Variants in SUSD1 observed in about 807,000 individuals in gnomAD.
SUSD1 encodes the protein sushi domain containing 1, also known as sushi domain-containing protein 1.
A neutral mutation model predicts 86.9 loss-of-function variants in SUSD1; 65 were observed. That is an observed-to-expected ratio of 0.75 (90% CI 0.61 to 0.92). SUSD1 has a LOEUF of 0.92. SUSD1 is among the 40% of genes least tolerant of loss of function. SUSD1 has a pLI of 0.00. For missense variants in SUSD1, 850 were observed against 929.7 expected (o/e 0.91, Z 1.11); for synonymous variants, 346 against 350.0 (o/e 0.99, Z 0.13).
intron 5 of SUSD1, among the ~76,000 whole-genome samples, chr9:112,131,957 G>T (rs1289267942): frequency 3.3e-5 from 5 of 152,116 alleles, no homozygotes; most frequent in Non-Finnish European, 7.4e-5. Flanking sequence ...GTGTTGTGCT[G>T]GTTTCAAGGG....
intron 1 of SUSD1, chr9:112,173,562 G>C (rs1834136674): frequency 5.7e-6 from 2 of 353,588 alleles, no homozygotes; most frequent in African/African-American, 4.2e-5. Context: ...TCCTTCGGGA[G>C]TCTGAGCTGG....
chr9:112,065,613 G>A (rs1192983382), intron 12 of SUSD1, among the ~76,000 whole-genome samples: 1 of 152,242 alleles, frequency 6.6e-6, no homozygotes, highest in Non-Finnish European at 1.5e-5. Context: ...AATTACTGCA[G>A]AGTTAGAGGT....
intron 12 of SUSD1, among the ~76,000 whole-genome samples, chr9:112,065,929 G>T (rs953394477): frequency 6.6e-6 from 1 of 152,218 alleles, no homozygotes. Context: ...GATATCACTT[G>T]AGCTACTAGT....
intron 10 of SUSD1, among the ~76,000 whole-genome samples, chr9:112,095,005 G>A (rs1361290804): frequency 6.6e-6 from 1 of 152,160 alleles, no homozygotes; most frequent in Non-Finnish European, 1.5e-5. Context: ...TATTAAACAA[G>A]GTCCAGGGAG....
intron 8 of SUSD1, among the ~76,000 whole-genome samples, chr9:112,106,215 C>T (rs1486585927): frequency 9.2e-5 from 14 of 152,084 alleles, no homozygotes; most frequent in Non-Finnish European, 1.8e-4. Flanking sequence ...TCAGGTGATC[C>T]GCCCACCTAA....
intron 5 of SUSD1, among the ~76,000 whole-genome samples, chr9:112,134,019 A>G (rs529872225): frequency 6.6e-6 from 1 of 152,342 alleles, no homozygotes; most frequent in East Asian, 1.9e-4. Flanking sequence ...ATGAGATTCC[A>G]TCTCACACCA....
chr9:112,049,321 A>T (rs1828089797), intron 15 of SUSD1, among the ~76,000 whole-genome samples: 1 of 152,210 alleles, frequency 6.6e-6, no homozygotes, highest in Non-Finnish European at 1.5e-5. Flanking sequence ...ATATCAAATG[A>T]CCTTGCTTTG....
Position 112,072,140 on chromosome 9 carries a change from C to CTTT in SUSD1, c.1753+6395_1753+6397dup. 7.0e-3 allele frequency among the ~76,000 whole-genome samples: 854 copies of CTTT among 121,140 alleles called. 1 individual carries two copies. Among genetic ancestry groups the CTTT allele is most frequent in the Non-Finnish European group, 9.1e-3 (556 of 60,846 alleles). The allele number at this position is 121,140 out of a possible 152,430, so 79.5% of individuals were successfully genotyped here. On this transcript the variant is annotated intron_variant, in intron 12 of 16. Transcript: ENST00000374270. Reference sequence around the variant, plus strand: ...TATTCTTTTTTATTTCTTTCTTTCTCTTTTTTTTTTTTTTTTGTTTTTTTT... The same window carrying CTTT: ...TATTCTTTTTTATTTCTTTCTTTCTCTTTTTTTTTTTTTTTTTTTGTTTTTTTT...
chr9:112,098,496 T>C lies in SUSD1; in HGVS notation c.1448A>G (p.Gln483Arg). 1.9e-6 allele frequency: 3 copies of C among 1,614,180 alleles called. No individual in the cohort carries two copies. The highest frequency in any genetic ancestry group is 2.5e-6 in the Non-Finnish European group (3 of 1,179,994). Residue 483 changes from glutamine (Q) to arginine (R), a missense_variant, in exon 10 of 17, where the codon CAA (glutamine) becomes CGA (arginine). Physicochemically the swap from Gln to Arg is conservative, Grantham distance 43. Transcript: ENST00000374270. ...LLRSPKRHSV[Q>R]ITIATPPAVK... ...TGCTGGGGGAGTTGCTATTGTTATTTGCACTGAGTGCCGCTTAGGAGATCT... is the reference window on the plus strand; with the variant it reads ...TGCTGGGGGAGTTGCTATTGTTATTCGCACTGAGTGCCGCTTAGGAGATCT...
intron 5 of SUSD1, among the ~76,000 whole-genome samples, chr9:112,132,359 C>T (rs1412028677): frequency 1.3e-5 from 2 of 152,064 alleles, no homozygotes; most frequent in East Asian, 3.8e-4. Context: ...ATATTGACCC[C>T]AAAATAAAAT....
chr9:112,112,837 C>G lies in SUSD1; in HGVS notation c.918G>C (p.Leu306=), dbSNP rs138471089. 5 of 1,612,010 alleles carry G rather than the reference C, an allele frequency of 3.1e-6. No individual in the cohort carries two copies. Among genetic ancestry groups the G allele is most frequent in the Non-Finnish European group, 4.2e-6 (5 of 1,178,142 alleles). ...EILTKINDVS[L]FNDTCVRWQI... ...GCCATCTCACACAGGTATCATTAAA[C>G]AGTGATACATCATTAATCTTTGTCA... The change falls in exon 7 of 17, where the codon CTG becomes CTC. Residue 306 remains leucine (L), a synonymous_variant. Transcript: ENST00000374270.
chr9:112,144,949 G>A (rs1046376638), intron 3 of SUSD1, among the ~76,000 whole-genome samples: 13 of 152,110 alleles, frequency 8.5e-5, no homozygotes, highest in Admixed American at 3.9e-4. Context: ...AAAACTTTAA[G>A]AATTCCATCA....
intron 13 of SUSD1, among the ~76,000 whole-genome samples, chr9:112,062,043 A>T (rs1290867204): frequency 1.3e-5 from 2 of 152,208 alleles, no homozygotes; most frequent in African/African-American, 4.8e-5. Context: ...CCTCCAACTG[A>T]GGTAAATTAA....
At chr9:112,114,481 T>TCAAAAA (rs555057894) in intron 6 of SUSD1, among the ~76,000 whole-genome samples, 4 of 152,210 alleles carry the variant, frequency 2.6e-5, no homozygotes, top group East Asian at 1.9e-4. Flanking sequence ...AGACTCCATC[T>TCAAAAA]CAAAAACAAA....
chr9:112,046,350 T>C (rs748776948), intron 15 of SUSD1, among the ~76,000 whole-genome samples: 1 of 152,206 alleles, frequency 6.6e-6, no homozygotes, highest in African/African-American at 2.4e-5. Flanking sequence ...CTGAATCACT[T>C]GTAGAATATT....
intron 10 of SUSD1, among the ~76,000 whole-genome samples, chr9:112,081,588 A>C (rs1829769569): frequency 6.6e-6 from 1 of 152,244 alleles, no homozygotes; most frequent in Non-Finnish European, 1.5e-5. Flanking sequence ...ATAGTATTTA[A>C]ACAGTTCTAG....
intron 15 of SUSD1, among the ~76,000 whole-genome samples, chr9:112,046,632 A>T (rs976869128): frequency 6.6e-6 from 1 of 152,168 alleles, no homozygotes; most frequent in Non-Finnish European, 1.5e-5. Flanking sequence ...ATGGGTGTGG[A>T]CATTTTTTCA....
intron 1 of SUSD1, among the ~76,000 whole-genome samples, chr9:112,157,846 C>T (rs1192156481): frequency 7.0e-6 from 1 of 142,008 alleles, no homozygotes; most frequent in African/African-American, 2.7e-5. Context: ...TTTTTCAAGA[C>T]ATGGTCTTGC....
At chr9:112,085,779 A>G (rs1167309551) in intron 10 of SUSD1, among the ~76,000 whole-genome samples, 1 of 152,202 alleles carries the variant, frequency 6.6e-6, no homozygotes, top group Non-Finnish European at 1.5e-5. Flanking sequence ...AGTTCCAATC[A>G]TCAAAGATAA....
Sources: allele counts gnomAD v4.1 joint callset (sites outside exome capture counted in the v4.1 genomes callset), GRCh38; gene constraint gnomAD v4.1.1; transcripts MANE v1.5; gene names NCBI Gene and HGNC (gene_info 2026-07-23, HGNC 2026-07-21).